Variants in GPR141 observed in about 807,000 individuals in gnomAD.
The protein encoded by GPR141 is probable G protein-coupled receptor 141.
In GPR141, 6 loss-of-function variants were observed where a neutral mutation model predicts 6.8. The observed-to-expected ratio is 0.88, with a 90% CI of 0.48 to 1.74. GPR141 has a LOEUF of 1.74. Among genes scored for constraint, GPR141 ranks in the 40% most tolerant of loss-of-function variants. GPR141 has a pLI of 0.01. For synonymous variants in GPR141, 140 were observed against 142.3 expected (o/e 0.98, Z 0.11); for missense variants, 372 against 372.9 (o/e 1.00, Z 0.02).
chr7:37,733,088 T>C (rs1812054100), intron 2 of GPR141, among the ~76,000 whole-genome samples: 1 of 152,052 alleles, frequency 6.6e-6, no homozygotes. Context: ...AAACCAGATA[T>C]CAGGTGACAA....
At chr7:37,728,165 T>G (rs1434184180) in intron 2 of GPR141, among the ~76,000 whole-genome samples, 1 of 152,252 alleles carries the variant, frequency 6.6e-6, no homozygotes, top group African/African-American at 2.4e-5. Flanking sequence ...CATCCTCAAG[T>G]ACCTCTTAAA....
chr7:37,710,311 A>G (rs1264692947), intron 2 of GPR141, among the ~76,000 whole-genome samples: 1 of 152,144 alleles, frequency 6.6e-6, no homozygotes, highest in African/African-American at 2.4e-5. Context: ...CCATGTACCC[A>G]TTACTCAGCT....
chr7:37,719,715 G>A (rs551954629), intron 2 of GPR141, among the ~76,000 whole-genome samples: 1 of 152,306 alleles, frequency 6.6e-6, no homozygotes, highest in Non-Finnish European at 1.5e-5. Context: ...ACCAGAAAAA[G>A]GGGGCTGAGA....
intron 2 of GPR141, among the ~76,000 whole-genome samples, chr7:37,737,226 C>A (rs969626046): frequency 3.9e-5 from 6 of 152,088 alleles, no homozygotes; most frequent in African/African-American, 1.4e-4. Flanking sequence ...ATGAATATAT[C>A]ACTTTTATTA....
At chr7:37,713,078 G>T (rs1191219283) in intron 2 of GPR141, among the ~76,000 whole-genome samples, 1 of 152,170 alleles carries the variant, frequency 6.6e-6, no homozygotes, top group Non-Finnish European at 1.5e-5. Context: ...TTCCACTTTG[G>T]TCTATGGGCC....
intron 2 of GPR141, among the ~76,000 whole-genome samples, chr7:37,719,106 A>T (rs544543596): frequency 6.6e-6 from 1 of 152,196 alleles, no homozygotes; most frequent in Non-Finnish European, 1.5e-5. Context: ...TGGCCAGTTT[A>T]TACTTAAAAA....
intron 2 of GPR141, among the ~76,000 whole-genome samples, chr7:37,733,385 A>G (rs1319268183): frequency 6.6e-6 from 1 of 152,164 alleles, no homozygotes; most frequent in East Asian, 1.9e-4. Context: ...ACAGATAAGT[A>G]TTACAGCCAG....
intron 2 of GPR141, among the ~76,000 whole-genome samples, chr7:37,725,900 A>G (rs1811603819): frequency 6.7e-6 from 1 of 150,236 alleles, no homozygotes; most frequent in Non-Finnish European, 1.5e-5. Flanking sequence ...TTTCCTTCTC[A>G]TAATTTGCAA....
At position 37,742,324 on chromosome 7, in the gene GPR141, G is replaced by A. The variant is rs919152617; in HGVS notation, c.*1013G>A. Among the ~76,000 whole-genome samples the A allele has an allele frequency of 2.6e-5, 4 of 151,828 alleles. No homozygotes were observed. Among genetic ancestry groups the A allele is most frequent in the Admixed American group, 6.6e-5 (1 of 15,216 alleles). On this transcript the variant is annotated 3_prime_UTR_variant, in exon 3 of 3. Coordinates refer to ENST00000334425, the MANE Select transcript of GPR141 (RefSeq NM_001381946.1). ...GCAGGTTTGTTACATAGGTATACAC[G>A]TGCCATGGTGGTTTGCGGCACCTGT...
chr7:37,685,850 A>G (rs1809487826), intron 2 of GPR141, among the ~76,000 whole-genome samples: 3 of 150,894 alleles, frequency 2.0e-5, no homozygotes, highest in Admixed American at 6.6e-5. Context: ...AGGTCTAGCT[A>G]ATTTCTAAAA....
At chr7:37,736,052 A>G (rs1160847593) in intron 2 of GPR141, among the ~76,000 whole-genome samples, 1 of 152,138 alleles carries the variant, frequency 6.6e-6, no homozygotes, top group African/African-American at 2.4e-5. Context: ...TGAGGTCAGG[A>G]GTTTGAGACC....
chr7:37,731,698 C>T (rs994530250), intron 2 of GPR141, among the ~76,000 whole-genome samples: 22 of 152,164 alleles, frequency 1.4e-4, no homozygotes, highest in African/African-American at 5.3e-4. Flanking sequence ...GTGATCCGCC[C>T]GCCTCGGCCT....
chr7:37,705,090 T>G (rs1810467456), intron 2 of GPR141, among the ~76,000 whole-genome samples: 1 of 152,184 alleles, frequency 6.6e-6, no homozygotes, highest in Non-Finnish European at 1.5e-5. Flanking sequence ...ACCCTGGTAT[T>G]ATTTAGATAT....
At chr7:37,719,273 T>C (rs1313808747) in intron 2 of GPR141, among the ~76,000 whole-genome samples, 3 of 152,168 alleles carry the variant, frequency 2.0e-5, no homozygotes, top group African/African-American at 7.2e-5. Context: ...GGTGGTAAGA[T>C]ATGACTGCAA....
intron 2 of GPR141, among the ~76,000 whole-genome samples, chr7:37,699,977 C>G (rs1314934008): frequency 6.6e-6 from 1 of 152,190 alleles, no homozygotes; most frequent in African/African-American, 2.4e-5. Flanking sequence ...TTCAGTCTAT[C>G]AGGCACCATA....
intron 2 of GPR141, among the ~76,000 whole-genome samples, chr7:37,734,063 C>T (rs1812118346): frequency 6.6e-6 from 1 of 151,994 alleles, no homozygotes; most frequent in Non-Finnish European, 1.5e-5. Flanking sequence ...GTCCTAGCTA[C>T]TGGGAAGGCT....
chr7:37,738,961 T>C (rs1220776518), intron 2 of GPR141, among the ~76,000 whole-genome samples: 1 of 152,222 alleles, frequency 6.6e-6, no homozygotes, highest in Non-Finnish European at 1.5e-5. Context: ...TTTTCCCTAA[T>C]TGTCTCTCCC....
intron 2 of GPR141, among the ~76,000 whole-genome samples, chr7:37,710,558 G>A (rs144426016): frequency 6.6e-5 from 10 of 152,216 alleles, no homozygotes; most frequent in African/African-American, 2.2e-4. Flanking sequence ...TTTCCTGATT[G>A]CCTCATATTT....
intron 2 of GPR141, among the ~76,000 whole-genome samples, chr7:37,686,934 A>G (rs2131721540): frequency 6.6e-6 from 1 of 152,282 alleles, no homozygotes; most frequent in Middle Eastern, 3.4e-3. Flanking sequence ...AATTTTGTTA[A>G]TGAAAAGCAT....
Sources: allele counts gnomAD v4.1 joint callset (sites outside exome capture counted in the v4.1 genomes callset), GRCh38; gene constraint gnomAD v4.1.1; transcripts MANE v1.5; gene names NCBI Gene and HGNC (gene_info 2026-07-23, HGNC 2026-07-21).